C4orf50: variants seen among roughly 807,000 people sequenced by gnomAD.
The protein encoded by C4orf50 is uncharacterized protein C4orf50.
C4orf50 carries 80 observed loss-of-function variants against 77.2 expected under a neutral mutation model. The ratio of observed to expected loss-of-function variants is 1.04; its 90% CI spans 0.87 to 1.25. The LOEUF (loss-of-function observed/expected upper bound fraction) is 1.25. Among genes scored for constraint, C4orf50 ranks in the 50% most tolerant of loss-of-function variants. The probability of loss-of-function intolerance (pLI) is 0.00; values close to 1 mark genes in which losing one functional copy is unlikely to be tolerated. For synonymous variants in C4orf50, 532 were observed against 465.3 expected (o/e 1.14, Z -1.84); for missense variants, 1,257 against 1,152.9 (o/e 1.09, Z -1.31).
At chr4:5,898,464 A>G (rs1458062857) in intron 7 of C4orf50, 11 of 152,162 alleles carry the variant, frequency 7.2e-5, no homozygotes, top group Admixed American at 7.2e-4. Context: ...GTTTCCATGG[A>G]GGACTTTGAG....
rs1033132090 is a variant in C4orf50 at position 6,011,854 on chromosome 4, C to T, written c.402G>A (p.Ala134=). 12 of 398,978 alleles carry T rather than the reference C, an allele frequency of 3.0e-5. No individual in the cohort carries two copies. The highest frequency in any genetic ancestry group is 1.1e-4 in the East Asian group (3 of 28,082). The allele number at this position is 398,978 out of a possible 1,614,324, so 24.7% of individuals were successfully genotyped here. Residue 134 remains alanine (A), a synonymous_variant, in exon 24 of 34, where the codon GCG becomes GCA. Coordinates refer to ENST00000531445, the Ensembl canonical transcript of C4orf50. This position sits in a 1 kb window ranked among gnomAD's most constrained non-coding sequence, Gnocchi z 4.2. ...CCTGGCTGGCCAGCTCCCCCTGCAG[C>T]GCCGCCAGCTTCTCCTGGGCCTGGA... is the stretch of plus-strand genomic sequence containing the variant.
At chr4:5,966,485 AAATAAAT>A (rs1392326798) in intron 32 of C4orf50, among the ~76,000 whole-genome samples, 1 of 151,844 alleles carries the variant, frequency 6.6e-6, no homozygotes, top group African/African-American at 2.4e-5. Flanking sequence ...AAAAATAAAT[AAATAAAT>A]AATAAAAATA....
chr4:5,933,011 A>ATTTCTCCTC (rs1446299981), intron 7 of C4orf50, among the ~76,000 whole-genome samples: 1 of 152,150 alleles, frequency 6.6e-6, no homozygotes, highest in Non-Finnish European at 1.5e-5. Flanking sequence ...TTGTAAACAA[A>ATTTCTCCTC]TTTCTCCTCA....
At position 6,000,911 on chromosome 4, in the gene C4orf50, G is replaced by C. The variant is rs1038863254; in HGVS notation, c.964-6435C>G. Among the ~76,000 whole-genome samples the C allele has an allele frequency of 2.6e-5, 4 of 152,114 alleles. No homozygotes were observed. Among genetic ancestry groups the C allele is most frequent in the East Asian group, 1.9e-4 (1 of 5,184 alleles). On this transcript the variant is annotated intron_variant, in intron 25 of 33. Coordinates refer to ENST00000531445, the Ensembl canonical transcript of C4orf50. This position sits in a 1 kb window ranked among gnomAD's most constrained non-coding sequence, Gnocchi z 6.0. ...TCCGTTAAAACCCATATCCCCAAAG[G>C]GATGTTATTAGGAAGCGGTGCTGAG...
intron 7 of C4orf50, among the ~76,000 whole-genome samples, chr4:5,939,328 C>G (rs753496427): frequency 2.6e-4 from 40 of 152,224 alleles, no homozygotes; most frequent in Non-Finnish European, 4.3e-4. Flanking sequence ...CAGGCAACAT[C>G]CTCTGTCACT....
chr4:5,989,346 A>G (rs780220262), exon 28 of C4orf50: 11 of 1,535,868 alleles, frequency 7.2e-6, no homozygotes, highest in African/African-American at 1.4e-5. Flanking sequence ...CTTCATCCCA[A>G]TGAGGCAGTG....
chr4:6,003,696 T>C (rs111066729), intron 25 of C4orf50, among the ~76,000 whole-genome samples: 1,423 of 137,842 alleles, frequency 0.01, 29 homozygotes, highest in African/African-American at 0.037. Flanking sequence ...ATGGTGATGA[T>C]AGTGATGGTG....
At chr4:5,986,186 A>T (rs1720843427) in intron 28 of C4orf50, among the ~76,000 whole-genome samples, 1 of 152,202 alleles carries the variant, frequency 6.6e-6, no homozygotes, top group Admixed American at 6.5e-5. Flanking sequence ...CAACAATCAA[A>T]CAATGTTCAT....
chr4:6,006,820 C>G (rs978984216), intron 25 of C4orf50, among the ~76,000 whole-genome samples: 1 of 152,200 alleles, frequency 6.6e-6, no homozygotes, highest in East Asian at 1.9e-4. Context: ...GGGACTGAGG[C>G]TGCAAAGACC....
In C4orf50 at chr4:6,008,281, C is replaced by T. The variant is rs1351929784; in HGVS notation, c.678G>A (p.Ala226=). The change falls in exon 25 of 34, where the codon GCG becomes GCA. Residue 226 remains alanine, a synonymous_variant. Coordinates refer to ENST00000531445, the Ensembl canonical transcript of C4orf50. The surrounding 1 kb of genome is among the most constrained non-coding windows in gnomAD (Gnocchi z 6.0). ...CGGTGGCGCCCTGGGAGCCTGGGGCCGCGGTGTCCCACTGGGCCAGCAGGA... is the reference window on the plus strand; with the variant it reads ...CGGTGGCGCCCTGGGAGCCTGGGGCTGCGGTGTCCCACTGGGCCAGCAGGA... The T allele has an allele frequency of 7.7e-6, 3 of 391,330 alleles. No individual in the cohort carries two copies. The highest frequency in any genetic ancestry group is 4.5e-5 in the Admixed American group (1 of 22,430). 24.2% of individuals were successfully genotyped at this position (391,330 alleles called of 1,614,324 possible).
chr4:5,936,783 C>A, intron 7 of C4orf50, among the ~76,000 whole-genome samples: 1 of 150,924 alleles, frequency 6.6e-6, no homozygotes, highest in South Asian at 2.1e-4. Flanking sequence ...ATCATGAACC[C>A]CAGGTAGGAT....
exon 28 of C4orf50, chr4:5,990,722 C>T: frequency 5.0e-6 from 2 of 399,126 alleles, no homozygotes; most frequent in Non-Finnish European, 8.8e-6. Flanking sequence ...GAAATCCAGG[C>T]CAGGTCCATG....
intron 7 of C4orf50, among the ~76,000 whole-genome samples, chr4:5,939,499 T>C (rs1249066078): frequency 6.6e-6 from 1 of 152,226 alleles, no homozygotes; most frequent in African/African-American, 2.4e-5. Context: ...GAGAGCCCAG[T>C]GTGCTCACTG....
rs1716291507 is a variant in C4orf50 at position 5,900,325 on chromosome 4, C to T, written c.*2475-2137G>A. On this transcript the variant is annotated intron_variant, in intron 7 of 7. Transcript: ENST00000324058. The surrounding 1 kb of genome is among the most constrained non-coding windows in gnomAD (Gnocchi z 4.3). ...ACTAAACTCATATAATAATCTCATTCCAAAGCAATTCAAAAACCTTTGACC... is the reference window on the plus strand; with the variant it reads ...ACTAAACTCATATAATAATCTCATTTCAAAGCAATTCAAAAACCTTTGACC... 1 of 152,096 alleles carries T rather than the reference C, an allele frequency of 6.6e-6. No homozygotes were observed. Among genetic ancestry groups the T allele is most frequent in the Admixed American group, 6.5e-5 (1 of 15,274 alleles). 9.4% of individuals were successfully genotyped at this position (152,096 alleles called of 1,614,324 possible).
rs1396687974 is a variant in C4orf50 at position 6,000,903 on chromosome 4, C to T, written c.964-6427G>A. Among the ~76,000 whole-genome samples the T allele has an allele frequency of 6.6e-6, 1 of 152,164 alleles. No individual in the cohort carries two copies. The highest frequency in any genetic ancestry group is 1.5e-5 in the Non-Finnish European group (1 of 68,022). On this transcript the variant is annotated intron_variant, in intron 25 of 33. Coordinates refer to ENST00000531445, the Ensembl canonical transcript of C4orf50. The surrounding 1 kb of genome is among the most constrained non-coding windows in gnomAD (Gnocchi z 6.0). ...AAAACTCATCCGTTAAAACCCATAT[C>T]CCCAAAGGGATGTTATTAGGAAGCG...
At chr4:5,986,728 G>A (rs1401479987) in intron 28 of C4orf50, among the ~76,000 whole-genome samples, 1 of 151,868 alleles carries the variant, frequency 6.6e-6, no homozygotes, top group Admixed American at 6.6e-5. Flanking sequence ...TAGTAGAGAT[G>A]GGGTTTCACC....
At chr4:5,934,228 G>A (rs910663509) in intron 7 of C4orf50, among the ~76,000 whole-genome samples, 16 of 152,100 alleles carry the variant, frequency 1.1e-4, no homozygotes, top group African/African-American at 2.4e-4. Flanking sequence ...GTTTGGCGGC[G>A]ACACAGGAGT....
chr4:5,944,417 C>T (rs573239450), intron 7 of C4orf50, among the ~76,000 whole-genome samples: 1 of 152,302 alleles, frequency 6.6e-6, no homozygotes, highest in Admixed American at 6.5e-5. Context: ...TGCTCCCTGG[C>T]ACCTTGGAGA....
At chr4:6,010,937 A>G (rs1400010814) in intron 24 of C4orf50, among the ~76,000 whole-genome samples, 4 of 152,212 alleles carry the variant, frequency 2.6e-5, no homozygotes, top group African/African-American at 7.2e-5. Context: ...GATTGGTACT[A>G]TATCATTCCC....
Sources: allele counts gnomAD v4.1 joint callset (sites outside exome capture counted in the v4.1 genomes callset), GRCh38; gene constraint gnomAD v4.1.1; non-coding constraint Gnocchi (gnomAD v3.1); transcripts MANE v1.5; gene names NCBI Gene and HGNC (gene_info 2026-07-23, HGNC 2026-07-21).